SLC35F4: variants seen among roughly 807,000 people sequenced by gnomAD.
SLC35F4 encodes the protein solute carrier family 35 member F4, also known as chromosome 14 open reading frame 36.
A neutral mutation model predicts 44.2 loss-of-function variants in SLC35F4; 24 were observed. The ratio of observed to expected loss-of-function variants is 0.54; its 90% CI spans 0.39 to 0.76. SLC35F4 has a LOEUF of 0.76. Ranked by LOEUF, SLC35F4 falls within the 30% of genes least tolerant of loss-of-function variation. SLC35F4 has a pLI of 0.00. For synonymous variants in SLC35F4, 238 were observed against 223.6 expected, an observed-to-expected ratio of 1.06 and a Z score of -0.57; for missense variants, 562 against 586.1, an observed-to-expected ratio of 0.96 and a Z score of 0.42.
chr14:57,822,457 A>G (rs972800009), intron 1 of SLC35F4, among the ~76,000 whole-genome samples: 18 of 152,208 alleles, frequency 1.2e-4, no homozygotes, highest in African/African-American at 4.3e-4. Context: ...TGGGAAGAAG[A>G]CAAGGTAAAC....
At chr14:57,957,592 T>C (rs1462578952) in intron 1 of SLC35F4, among the ~76,000 whole-genome samples, 2 of 152,164 alleles carry the variant, frequency 1.3e-5, no homozygotes, top group African/African-American at 4.8e-5. Context: ...TTGCCCAACA[T>C]GAACATTCCC....
chr14:57,803,582 CTTTTTT>C (rs532690276), intron 1 of SLC35F4, among the ~76,000 whole-genome samples: 2 of 79,456 alleles, frequency 2.5e-5, no homozygotes, highest in African/African-American at 5.8e-5. Context: ...AAAGCTTCTT[CTTTTTT>C]TTTTTTTTTT....
chr14:57,865,722 C>T lies in SLC35F4; in HGVS notation c.103+1G>A. 6.6e-7 allele frequency: 1 copy of T among 1,517,764 alleles called. No homozygotes were observed. The highest frequency in any genetic ancestry group is 8.8e-7 in the Non-Finnish European group (1 of 1,139,066). The allele number at this position is 1,517,764 out of a possible 1,614,324, so 94.0% of individuals were successfully genotyped here. A position where few individuals can be genotyped will look rare whatever the true frequency, so the allele number is the denominator to read the frequency against. ...CGCAGGGCAGCCGCGCGGCGTCTTA[C>T]TTTTCTGGCTGGAGTAACCTGGATA... On this transcript the variant is annotated splice_donor_variant, in intron 1 of 7. Transcript: ENST00000556826. LOFTEE classifies it high-confidence loss of function.
chr14:57,652,002 G>A (rs2140203911), intron 1 of SLC35F4, among the ~76,000 whole-genome samples: 1 of 152,274 alleles, frequency 6.6e-6, no homozygotes, highest in Admixed American at 6.5e-5. Flanking sequence ...TGACCCACTG[G>A]ATCATGGAGG....
intron 1 of SLC35F4, among the ~76,000 whole-genome samples, chr14:57,786,008 G>C (rs1956699): frequency 0.29 from 44,425 of 151,986 alleles, 7,077 homozygotes; most frequent in Admixed American, 0.4. Context: ...TGGAAGACGG[G>C]TAACCTGGGG....
At chr14:57,717,507 G>A (rs1166996927) in intron 1 of SLC35F4, among the ~76,000 whole-genome samples, 2 of 152,136 alleles carry the variant, frequency 1.3e-5, no homozygotes, top group Non-Finnish European at 2.9e-5. Context: ...GTGGTGTCGG[G>A]CGCCTGTAGT....
intron 1 of SLC35F4, among the ~76,000 whole-genome samples, chr14:57,748,524 C>G (rs759381411): frequency 6.6e-6 from 1 of 152,080 alleles, no homozygotes; most frequent in African/African-American, 2.4e-5. Context: ...TCAACAACAG[C>G]TGAGTCATGA....
intron 1 of SLC35F4, among the ~76,000 whole-genome samples, chr14:57,742,105 G>A (rs2076625209): frequency 6.6e-6 from 1 of 152,192 alleles, no homozygotes; most frequent in Admixed American, 6.5e-5. Flanking sequence ...ACCGGTACGA[G>A]CCACTGAAAA....
In SLC35F4 at chr14:57,600,536, C is replaced by T. The variant is rs534785710; in HGVS notation, c.104-6412G>A. On this transcript the variant is annotated intron_variant, in intron 1 of 7. Coordinates refer to ENST00000556826, the MANE Select transcript of SLC35F4 (RefSeq NM_001306087.2). The stretch of plus-strand genomic sequence containing the variant: ...TGAAACCCCGTCTCTACTAAAAATA[C>T]AAAAAATTAGCCGGGCGTAGTGGCG... 1.3e-4 allele frequency among the ~76,000 whole-genome samples: 19 copies of T among 148,342 alleles called. No individual in the cohort carries two copies. In the East Asian group the frequency reaches 3.7e-3, roughly 29 times the overall value.
chr14:57,679,539 GGA>G (rs1224375113), intron 1 of SLC35F4, among the ~76,000 whole-genome samples: 1 of 151,922 alleles, frequency 6.6e-6, no homozygotes, highest in Non-Finnish European at 1.5e-5. Context: ...CAGAACTGAA[GGA>G]GAGAGCGACA....
chr14:57,916,220 C>T (rs987516528), intron 1 of SLC35F4, among the ~76,000 whole-genome samples: 20 of 152,092 alleles, frequency 1.3e-4, no homozygotes, highest in African/African-American at 4.3e-4. Context: ...AACCCAGTTT[C>T]GAGATAACTA....
At position 57,831,460 on chromosome 14, in the gene SLC35F4, A is replaced by T. The variant is rs371044538; in HGVS notation, c.103+34263T>A. On this transcript the variant is annotated intron_variant, in intron 1 of 7. Transcript: ENST00000556826. ...CAGGCATACAGCATAGCCTCCCAGG[A>T]CAGAGGAGGGTGGAGAAGGGCCAAG... Among the ~76,000 whole-genome samples, 10 of 152,318 alleles carry T rather than the reference A, an allele frequency of 6.6e-5. No homozygotes were observed. In the East Asian group the frequency reaches 7.7e-4, roughly 12 times the overall value.
At chr14:57,698,001 G>T (rs1302335154) in intron 1 of SLC35F4, among the ~76,000 whole-genome samples, 1 of 152,172 alleles carries the variant, frequency 6.6e-6, no homozygotes, top group Non-Finnish European at 1.5e-5. Flanking sequence ...CCGGCTACAT[G>T]ATTTGGGGCA....
At chr14:57,617,148 T>TTTTTTTA (rs2071882063) in intron 1 of SLC35F4, among the ~76,000 whole-genome samples, 4 of 145,824 alleles carry the variant, frequency 2.7e-5, no homozygotes, top group Admixed American at 6.9e-5. Context: ...TTTTTTTTTT[T>TTTTTTTA]GAGACAGAGT....
At chr14:57,624,085 C>T (rs910844407) in intron 1 of SLC35F4, among the ~76,000 whole-genome samples, 3 of 151,970 alleles carry the variant, frequency 2.0e-5, no homozygotes, top group African/African-American at 7.3e-5. Context: ...AGAGGACAAT[C>T]AAATAGACAC....
intron 1 of SLC35F4, chr14:57,602,464 G>T (rs1957702): frequency 5.3e-5 from 8 of 152,094 alleles, no homozygotes; most frequent in Middle Eastern, 6.8e-3. Context: ...GTCTTGAAGG[G>T]GAGCTGGAAT....
chr14:57,844,635 C>T (rs1193300100), intron 1 of SLC35F4, among the ~76,000 whole-genome samples: 1 of 152,142 alleles, frequency 6.6e-6, no homozygotes, highest in Non-Finnish European at 1.5e-5. Flanking sequence ...CCCACATAAG[C>T]TTATTTCTTT....
Position 57,808,068 on chromosome 14 carries a change from G to T in SLC35F4, c.103+57655C>A, listed in dbSNP as rs530906351. 5.3e-5 allele frequency among the ~76,000 whole-genome samples: 8 copies of T among 151,824 alleles called. No homozygotes were observed. The South Asian group carries it at 1.5e-3, about 28-fold the overall frequency. On this transcript the variant is annotated intron_variant, in intron 1 of 7. Coordinates refer to ENST00000556826, the MANE Select transcript of SLC35F4 (RefSeq NM_001306087.2). Reference sequence around the variant, plus strand: ...CCATGATTCAGTTACCTCCCACCAGGTCCCTCCCATGACACACCTGGGGAT... The same window carrying T: ...CCATGATTCAGTTACCTCCCACCAGTTCCCTCCCATGACACACCTGGGGAT...
upstream of SLC35F4, among the ~76,000 whole-genome samples, chr14:57,870,009 C>G (rs984403588): frequency 7.9e-5 from 12 of 152,262 alleles, no homozygotes; most frequent in African/African-American, 2.9e-4. Flanking sequence ...AGGTGCCAGG[C>G]TGCATCCCAG....
Sources: allele counts gnomAD v4.1 joint callset (sites outside exome capture counted in the v4.1 genomes callset), GRCh38; gene constraint gnomAD v4.1.1; transcripts MANE v1.5; gene names NCBI Gene and HGNC (gene_info 2026-07-23, HGNC 2026-07-21).